Variants in FNDC3A observed in about 807,000 individuals in gnomAD.
FNDC3A encodes fibronectin type-III domain-containing protein 3A.
Under a neutral mutation model 148.9 loss-of-function variants are expected in FNDC3A, and 32 were observed. The ratio of observed to expected loss-of-function variants is 0.21; its 90% CI spans 0.16 to 0.29. The LOEUF is 0.29. Ranked by LOEUF, FNDC3A falls within the 10% of genes least tolerant of loss-of-function variation. The pLI is 1.00. For synonymous variants in FNDC3A, 472 were observed against 473.6 expected (o/e 1.00, Z 0.04); for missense variants, 1,191 against 1,452.8 (o/e 0.82, Z 2.93).
At chr13:48,997,066 GAAAAA>G (rs5803452) in intron 1 of FNDC3A, among the ~76,000 whole-genome samples, 1 of 99,592 alleles carries the variant, frequency 1.0e-5, no homozygotes, top group Non-Finnish European at 2.2e-5. Flanking sequence ...TCCGTCTCAA[GAAAAA>G]AAAAAAAAAA....
intron 8 of FNDC3A, among the ~76,000 whole-genome samples, chr13:49,148,444 C>T (rs920277454): frequency 3.3e-5 from 5 of 152,258 alleles, no homozygotes; most frequent in Admixed American, 6.5e-5. Flanking sequence ...ATCCAATTTT[C>T]CTAGCAGCAT....
At chr13:49,011,887 T>C (rs1056379104) in intron 2 of FNDC3A, among the ~76,000 whole-genome samples, 5 of 152,256 alleles carry the variant, frequency 3.3e-5, no homozygotes, top group African/African-American at 9.6e-5. Flanking sequence ...AACTATACTT[T>C]CGCGTTGAAC....
chr13:49,075,367 A>G lies in FNDC3A; in HGVS notation c.175+3A>G, dbSNP rs1283117186. ...TGGACAGTTTCAGTGCATTACAGGT[A>G]AGAATGGTAATTGAGAATAATCATT... is the stretch of plus-strand genomic sequence containing the variant. On this transcript the variant is annotated splice_donor_region_variant and intron_variant, in intron 3 of 25. Coordinates refer to ENST00000492622, the MANE Select transcript of FNDC3A (RefSeq NM_001079673.2). The G allele has an allele frequency of 9.0e-6, 14 of 1,552,026 alleles. No homozygotes were observed. Among genetic ancestry groups the G allele is most frequent in the Admixed American group, 1.7e-5 (1 of 59,194 alleles).
At chr13:49,000,716 T>G (rs1367753510) in intron 1 of FNDC3A, among the ~76,000 whole-genome samples, 2 of 152,220 alleles carry the variant, frequency 1.3e-5, no homozygotes, top group Non-Finnish European at 2.9e-5. Flanking sequence ...CCTGGGGTGT[T>G]TCTGCATTTA....
chr13:49,114,555 G>C, intron 3 of FNDC3A, 100 bp from the exon 4 acceptor site: 2 of 752,540 alleles, frequency 2.7e-6, no homozygotes, highest in South Asian at 1.6e-5. Flanking sequence ...CTGTTGGCTT[G>C]AGTGTTTAGA....
chr13:49,155,770 G>A (rs1480323782), intron 8 of FNDC3A, among the ~76,000 whole-genome samples: 1 of 45,426 alleles, frequency 2.2e-5, no homozygotes, highest in African/African-American at 8.5e-5. Flanking sequence ...CCTTCATTTC[G>A]TTATGTACCC....
At chr13:49,202,438 A>G (rs550613756) in intron 24 of FNDC3A, among the ~76,000 whole-genome samples, 4 of 152,310 alleles carry the variant, frequency 2.6e-5, no homozygotes, top group Non-Finnish European at 5.9e-5. Context: ...ACATTTGTAT[A>G]TACATTTATC....
chr13:49,134,880 G>A (rs1252831539), intron 5 of FNDC3A, among the ~76,000 whole-genome samples: 7 of 100,104 alleles, frequency 7.0e-5, no homozygotes, highest in African/African-American at 1.9e-4. Flanking sequence ...ACAGAGTCTC[G>A]CTCTGTCGCC....
intron 4 of FNDC3A, among the ~76,000 whole-genome samples, chr13:49,127,302 G>A (rs1881760314): frequency 6.6e-6 from 1 of 152,116 alleles, no homozygotes; most frequent in South Asian, 2.1e-4. Flanking sequence ...AAAGTTTCTT[G>A]ACTTCACTAC....
intron 3 of FNDC3A, among the ~76,000 whole-genome samples, chr13:49,100,468 A>G (rs553089621): frequency 1.3e-5 from 2 of 152,220 alleles, no homozygotes; most frequent in East Asian, 1.9e-4. Flanking sequence ...ACCCTTTTCC[A>G]TAGATGTAGG....
chr13:49,161,625 T>C (rs981714588), intron 8 of FNDC3A, among the ~76,000 whole-genome samples: 3 of 152,206 alleles, frequency 2.0e-5, no homozygotes, highest in Non-Finnish European at 4.4e-5. Context: ...AATATTGTTA[T>C]GCGTGAATTT....
At chr13:49,177,356 T>C (rs535301233) in intron 13 of FNDC3A, among the ~76,000 whole-genome samples, 20 of 152,328 alleles carry the variant, frequency 1.3e-4, no homozygotes, top group Admixed American at 1.1e-3. Flanking sequence ...AAAAGTTTCC[T>C]GTGAAACTGT....
intron 1 of FNDC3A, 38 bp from the exon 2 acceptor site, chr13:49,006,114 G>T (rs1952215932): frequency 4.2e-6 from 3 of 722,088 alleles, no homozygotes; most frequent in African/African-American, 1.8e-5. Flanking sequence ...GTATTTTAAG[G>T]ATATACTTAC....
At chr13:49,091,773 C>T (rs2137818305) in intron 3 of FNDC3A, among the ~76,000 whole-genome samples, 1 of 152,300 alleles carries the variant, frequency 6.6e-6, no homozygotes, top group South Asian at 2.1e-4. Context: ...AGACTATGGG[C>T]ATTTGAGCCA....
Position 49,036,557 on chromosome 13 carries a change from T to C in FNDC3A, c.99+30268T>C, listed in dbSNP as rs189175642. Reference sequence around the variant, plus strand: ...TCAACCTATGTTTTTGTAAATTTACTGTGGTCTCTGTAACTATAAAAACAG... The same window carrying C: ...TCAACCTATGTTTTTGTAAATTTACCGTGGTCTCTGTAACTATAAAAACAG... On this transcript the variant is annotated intron_variant, in intron 2 of 25. Transcript: ENST00000492622. 4.1e-3 allele frequency among the ~76,000 whole-genome samples: 625 copies of C among 152,330 alleles called. 3 individuals carry two copies. The highest frequency in any genetic ancestry group is 6.8e-3 in the Non-Finnish European group (462 of 68,012).
chr13:49,037,997 G>A (rs1874626940), intron 2 of FNDC3A, among the ~76,000 whole-genome samples: 1 of 152,142 alleles, frequency 6.6e-6, no homozygotes, highest in South Asian at 2.1e-4. Context: ...TTATTGAGTG[G>A]TAGAAGTGGC....
chr13:49,144,973 T>C (rs983707272), intron 7 of FNDC3A, among the ~76,000 whole-genome samples: 3 of 152,200 alleles, frequency 2.0e-5, no homozygotes, highest in Non-Finnish European at 4.4e-5. Context: ...AATAATATGT[T>C]CATAGGCTGT....
chr13:49,145,861 T>A lies in FNDC3A; in HGVS notation c.903T>A (p.Ser301Arg), dbSNP rs1178621398. The A allele has an allele frequency of 6.2e-7, 1 of 1,613,134 alleles. No homozygotes were observed. Among genetic ancestry groups the A allele is most frequent in the African/African-American group, 1.3e-5 (1 of 75,040 alleles). Residue 301 changes from serine (S) to arginine (R), a missense_variant, in exon 8 of 26, where the codon AGT becomes AGA. Physicochemically the swap from Ser to Arg is moderately radical, Grantham distance 110. Coordinates refer to ENST00000492622, the MANE Select transcript of FNDC3A (RefSeq NM_001079673.2). ...SLINGETDES[S>R]VPELYGYEVL... The stretch of plus-strand genomic sequence containing the variant: ...TTAATGGTGAAACAGATGAAAGTAG[T>A]GTACCAGAGCTCTATGGTTATGAAG...
intron 3 of FNDC3A, among the ~76,000 whole-genome samples, chr13:49,106,793 A>AAC (rs398022709): frequency 1.4e-5 from 2 of 147,704 alleles, no homozygotes; most frequent in African/African-American, 5.0e-5. Context: ...AAAAAAAAAA[A>AAC]CCAACAACAA....
Sources: allele counts gnomAD v4.1 joint callset (sites outside exome capture counted in the v4.1 genomes callset), GRCh38; gene constraint gnomAD v4.1.1; transcripts MANE v1.5; gene names NCBI Gene and HGNC (gene_info 2026-07-23, HGNC 2026-07-21).